The following ITSN1 variants were observed in gnomAD, a reference collection of about 807,000 sequenced individuals.
The protein encoded by ITSN1 is intersectin 1, also known as intersectin-1.
A neutral mutation model predicts 239.8 loss-of-function variants in ITSN1; 58 were observed. The ratio of observed to expected loss-of-function variants is 0.24; its 90% CI spans 0.20 to 0.30. The LOEUF is 0.30. Ranked by LOEUF, ITSN1 falls within the 10% of genes least tolerant of loss-of-function variation. The pLI, the probability that ITSN1 is intolerant of heterozygous loss-of-function variation, is 1.00. For missense variants in ITSN1, 1,558 were observed against 2,103.3 expected, an observed-to-expected ratio of 0.74 and a Z score of 5.07; for synonymous variants, 780 against 770.8, an observed-to-expected ratio of 1.01 and a Z score of -0.20.
In ITSN1 at chr21:33,899,760, A is replaced by G. The variant is rs1041511357; in HGVS notation, c.*11460A>G. 6.6e-6 allele frequency: 1 copy of G among 152,218 alleles called. No homozygotes were observed. Among genetic ancestry groups the G allele is most frequent in the Non-Finnish European group, 1.5e-5 (1 of 68,044 alleles). The allele number at this position is 152,218 out of a possible 1,614,324, so 9.4% of individuals were successfully genotyped here. ...GTGTATCTTGAACCTAAAAAGAACAATCTCTTCAAAAACAAAAACAAAAAC... is the reference window on the plus strand; with the variant it reads ...GTGTATCTTGAACCTAAAAAGAACAGTCTCTTCAAAAACAAAAACAAAAAC... On this transcript the variant is annotated 3_prime_UTR_variant, in exon 40 of 40. Coordinates refer to ENST00000381318, the MANE Select transcript of ITSN1 (RefSeq NM_003024.3).
chr21:33,655,742 G>A (rs1429031192), intron 1 of ITSN1, among the ~76,000 whole-genome samples: 1 of 151,984 alleles, frequency 6.6e-6, no homozygotes. Context: ...CTTGAAACAA[G>A]ACTCTAAAGT....
chr21:33,818,510 A>C, intron 23 of ITSN1, 38 bp downstream of exon 23: 1 of 1,518,834 alleles, frequency 6.6e-7, no homozygotes, highest in Non-Finnish European at 9.1e-7. Flanking sequence ...TGATGAAAAC[A>C]ATATTAGGCG....
At chr21:33,644,650 T>G (rs1039012081) in intron 1 of ITSN1, among the ~76,000 whole-genome samples, 1 of 151,056 alleles carries the variant, frequency 6.6e-6, no homozygotes, top group Non-Finnish European at 1.5e-5. Context: ...TTGTCGCTGT[T>G]AGCATTTTTT....
intron 24 of ITSN1, among the ~76,000 whole-genome samples, chr21:33,820,840 T>A (rs1245381096): frequency 6.6e-6 from 1 of 151,054 alleles, no homozygotes; most frequent in African/African-American, 2.4e-5. Flanking sequence ...AAGCAACTTA[T>A]GCACCTCACC....
chr21:33,858,005 C>T (rs896304649), intron 30 of ITSN1, among the ~76,000 whole-genome samples: 9 of 152,154 alleles, frequency 5.9e-5, no homozygotes, highest in Admixed American at 3.9e-4. Context: ...TCCTTGCAGG[C>T]GGGGGCTTGC....
chr21:33,726,367 T>A (rs148428482), intron 4 of ITSN1, among the ~76,000 whole-genome samples: 2 of 152,252 alleles, frequency 1.3e-5, no homozygotes, highest in African/African-American at 4.8e-5. Flanking sequence ...CCCATACTAT[T>A]TTTATGTTCT....
intron 1 of ITSN1, among the ~76,000 whole-genome samples, chr21:33,652,100 A>C (rs1036348667): frequency 2.6e-5 from 4 of 151,388 alleles, no homozygotes; most frequent in Non-Finnish European, 5.9e-5. Context: ...TACCCTGTGA[A>C]GGTCAACATG....
At chr21:33,671,371 C>T (rs915305491) in intron 1 of ITSN1, among the ~76,000 whole-genome samples, 1 of 151,980 alleles carries the variant, frequency 6.6e-6, no homozygotes, top group Non-Finnish European at 1.5e-5. Flanking sequence ...ACCGCAACCC[C>T]CGCCTCCCGG....
intron 29 of ITSN1, among the ~76,000 whole-genome samples, chr21:33,845,240 G>T (rs748450052): frequency 2.4e-4 from 21 of 89,292 alleles, no homozygotes; most frequent in Non-Finnish European, 4.2e-4. Flanking sequence ...TCTCTGAAGA[G>T]GGGGGATGGA....
intron 1 of ITSN1, among the ~76,000 whole-genome samples, chr21:33,709,106 G>T (rs2092337435): frequency 6.6e-6 from 1 of 152,028 alleles, no homozygotes; most frequent in South Asian, 2.1e-4. Flanking sequence ...CTTTTAAAAA[G>T]TTGCTCTGCT....
intron 24 of ITSN1, 89 bp downstream of exon 24, chr21:33,819,412 G>C: frequency 2.2e-6 from 2 of 924,268 alleles, no homozygotes; most frequent in Non-Finnish European, 3.5e-6. Context: ...TCTTAAGATA[G>C]ACTGCATTTA....
At chr21:33,849,294 A>G (rs1293465257) in intron 29 of ITSN1, among the ~76,000 whole-genome samples, 1 of 147,408 alleles carries the variant, frequency 6.8e-6, no homozygotes, top group Non-Finnish European at 1.5e-5. Flanking sequence ...GGCTGGGCAC[A>G]GTGGCTCATG....
At chr21:33,825,021 T>C (rs1005562233) in intron 25 of ITSN1, among the ~76,000 whole-genome samples, 9 of 152,234 alleles carry the variant, frequency 5.9e-5, no homozygotes, top group Non-Finnish European at 1.0e-4. Context: ...TCAGGGGAAT[T>C]GGGTAAAACA....
At chr21:33,845,303 G>T (rs959086408) in intron 29 of ITSN1, among the ~76,000 whole-genome samples, 2 of 151,918 alleles carry the variant, frequency 1.3e-5, no homozygotes, top group Admixed American at 6.6e-5. Context: ...GAGCTTTCTC[G>T]GCCCAAGGGA....
At chr21:33,816,692 C>T (rs916977732) in intron 22 of ITSN1, among the ~76,000 whole-genome samples, 2 of 152,036 alleles carry the variant, frequency 1.3e-5, no homozygotes, top group Admixed American at 1.3e-4. Flanking sequence ...GGGGTCCATA[C>T]GTAGAGAAAT....
Position 33,836,469 on chromosome 21 carries a change from C to T in ITSN1, c.3498C>T (p.Tyr1166=), listed in dbSNP as rs1373653612. The change falls in exon 29 of 40, where the codon TAC becomes TAT. Residue 1166 remains tyrosine, a synonymous_variant. Coordinates refer to ENST00000381318, the MANE Select transcript of ITSN1 (RefSeq NM_003024.3). ...AVCQVIGMYD[Y]TAQNDDELAF... ...GCCAGGTGATTGGGATGTACGACTACACCGCGCAGAATGACGATGAGCTGG... is the reference window on the plus strand; with the variant it reads ...GCCAGGTGATTGGGATGTACGACTATACCGCGCAGAATGACGATGAGCTGG... 4.3e-6 allele frequency: 7 copies of T among 1,612,866 alleles called. No homozygotes were observed. The highest frequency in any genetic ancestry group is 3.3e-5 in the South Asian group (3 of 90,788).
At chr21:33,693,057 A>C (rs576010227) in intron 1 of ITSN1, among the ~76,000 whole-genome samples, 1 of 152,148 alleles carries the variant, frequency 6.6e-6, no homozygotes, top group African/African-American at 2.4e-5. Flanking sequence ...TCGCCTCCCG[A>C]AGTGCTGGGA....
chr21:33,770,149 C>T lies in ITSN1; in HGVS notation c.1043-1912C>T, dbSNP rs1047002509. On this transcript the variant is annotated intron_variant, in intron 11 of 39. Transcript: ENST00000381318. ...CGCGATCTTGGCTCACCACAACCTC[C>T]GCCTCCCGGGTTCAAGCGATTCTTC... is the stretch of plus-strand genomic sequence containing the variant. 5.3e-5 allele frequency among the ~76,000 whole-genome samples: 8 copies of T among 151,938 alleles called. No homozygotes were observed. The South Asian group carries it at 6.2e-4, about 12-fold the overall frequency.
Position 33,890,045 on chromosome 21 carries a change from A to G in ITSN1, c.*1745A>G, listed in dbSNP as rs1443470647. On this transcript the variant is annotated 3_prime_UTR_variant, in exon 40 of 40. Transcript: ENST00000381318. Reference sequence around the variant, plus strand: ...TTAGAAACTTTCAACTGAACATGTTAGAGACCAAGTTTAACTTCAGGCATG... The same window carrying G: ...TTAGAAACTTTCAACTGAACATGTTGGAGACCAAGTTTAACTTCAGGCATG... 3 of 152,256 alleles carry G rather than the reference A, an allele frequency of 2.0e-5. No individual in the cohort carries two copies. The highest frequency in any genetic ancestry group is 4.4e-5 in the Non-Finnish European group (3 of 68,048). The allele number at this position is 152,256 out of a possible 1,614,324, so 9.4% of individuals were successfully genotyped here.
Sources: allele counts gnomAD v4.1 joint callset (sites outside exome capture counted in the v4.1 genomes callset), GRCh38; gene constraint gnomAD v4.1.1; transcripts MANE v1.5; gene names NCBI Gene and HGNC (gene_info 2026-07-23, HGNC 2026-07-21).